Variants in SEPTIN6 observed in about 807,000 individuals in gnomAD.
SEPTIN6 encodes septin-6.
A neutral mutation model predicts 33.6 loss-of-function variants in SEPTIN6; 8 were observed. The ratio of observed to expected loss-of-function variants is 0.24; its 90% CI spans 0.14 to 0.43. The LOEUF (loss-of-function observed/expected upper bound fraction) is 0.43, where lower values mean the gene tolerates loss of function less well. Among genes scored for constraint, SEPTIN6 ranks in the 20% least tolerant of loss-of-function variants. The pLI is 1.00. For missense variants in SEPTIN6, 250 were observed against 340.8 expected (o/e 0.73, Z 2.10); for synonymous variants, 131 against 140.0 (o/e 0.94, Z 0.45).
intron 1 of SEPTIN6, among the ~76,000 whole-genome samples, chrX:119,692,490 C>G (rs1343463773): frequency 9.0e-6 from 1 of 111,559 alleles, no homozygotes; most frequent in Non-Finnish European, 1.9e-5. Flanking sequence ...CGGGAAGACA[C>G]GAGCGCGCGC....
intron 1 of SEPTIN6, among the ~76,000 whole-genome samples, chrX:119,682,213 G>A (rs2054972737): frequency 9.0e-6 from 1 of 111,490 alleles, no homozygotes. Flanking sequence ...TCAGGGGAGG[G>A]GGATGGAAAT....
chrX:119,645,080 G>T (rs1316659797), intron 5 of SEPTIN6, among the ~76,000 whole-genome samples: 1 of 104,637 alleles, frequency 9.6e-6, no homozygotes, highest in Non-Finnish European at 2.0e-5. Flanking sequence ...GCTAATGTTT[G>T]TATTTTTAGT....
intron 4 of SEPTIN6, among the ~76,000 whole-genome samples, chrX:119,652,030 T>G (rs2054359452): frequency 8.9e-6 from 1 of 112,013 alleles, no homozygotes; most frequent in Non-Finnish European, 1.9e-5. Flanking sequence ...TTCAAGCGAT[T>G]CTCCTGCTTG....
chrX:119,653,066 C>T (rs373817650), intron 3 of SEPTIN6, 26 bp from the exon 4 acceptor site: 61 of 1,154,553 alleles, frequency 5.3e-5, no homozygotes, highest in African/African-American at 9.0e-5. Context: ...GGGACAGAGG[C>T]GGATCCCGTC....
chrX:119,641,299 C>T (rs1427897279), intron 5 of SEPTIN6, among the ~76,000 whole-genome samples: 1 of 111,521 alleles, frequency 9.0e-6, no homozygotes, highest in African/African-American at 3.3e-5. Flanking sequence ...TCATCCTTCC[C>T]CGGAGAAAGA....
chrX:119,659,936 G>A (rs1177180036), intron 3 of SEPTIN6, among the ~76,000 whole-genome samples: 2 of 111,807 alleles, frequency 1.8e-5, no homozygotes, highest in African/African-American at 3.3e-5. Context: ...GCCATGGCGC[G>A]ATCTCAGCTC....
intron 1 of SEPTIN6, among the ~76,000 whole-genome samples, chrX:119,690,348 T>TACACACACACACACACAC (rs1196119691): frequency 2.7e-5 from 2 of 75,005 alleles, no homozygotes; most frequent in Non-Finnish European, 4.7e-5. Context: ...TACATACACA[T>TACACACACACACACACAC]ACACACACAC....
At chrX:119,622,461 G>A (rs1469265259) in intron 10 of SEPTIN6, among the ~76,000 whole-genome samples, 1 of 111,588 alleles carries the variant, frequency 9.0e-6, no homozygotes, top group Non-Finnish European at 1.9e-5. Context: ...AGATCCTGGG[G>A]AGCCAAAGCC....
At chrX:119,657,462 T>TC (rs1020438070) in intron 3 of SEPTIN6, among the ~76,000 whole-genome samples, 1 of 110,767 alleles carries the variant, frequency 9.0e-6, no homozygotes, top group African/African-American at 3.3e-5. Flanking sequence ...GACCTCCTTG[T>TC]CCCCCTCTAG....
intron 10 of SEPTIN6, among the ~76,000 whole-genome samples, chrX:119,622,580 A>G (rs1395334542): frequency 8.9e-6 from 1 of 112,042 alleles, no homozygotes; most frequent in Non-Finnish European, 1.9e-5. Flanking sequence ...CTGTTTACCA[A>G]TTGCCTCTCA....
chrX:119,650,288 C>A (rs1276754137), intron 4 of SEPTIN6, among the ~76,000 whole-genome samples, 190 bp from the exon 5 acceptor site: 1 of 112,167 alleles, frequency 8.9e-6, no homozygotes, highest in African/African-American at 3.2e-5. Context: ...GAACTAAGTG[C>A]TTTACATGAA....
chrX:119,636,614 G>A (rs185549446), intron 7 of SEPTIN6, among the ~76,000 whole-genome samples: 40 of 111,371 alleles, frequency 3.6e-4, no homozygotes, highest in African/African-American at 6.5e-4. Flanking sequence ...CTGTCTGAGC[G>A]CCAGGAGCCT....
Position 119,626,511 on chromosome X carries a change from G to A in SEPTIN6, c.1281-1132C>T, listed in dbSNP as rs2053858736. Among the ~76,000 whole-genome samples, 3 of 111,447 alleles carry A rather than the reference G, an allele frequency of 2.7e-5. No individual in the cohort carries two copies. In the South Asian group the frequency reaches 1.1e-3, roughly 41 times the overall value. On this transcript the variant is annotated intron_variant, in intron 9 of 10. Transcript: ENST00000394610. ...TTAAAAATAGGAATTCATTCCTGCTGGTGCAACTAATACACCATGACAGAT... is the reference window on the plus strand; with the variant it reads ...TTAAAAATAGGAATTCATTCCTGCTAGTGCAACTAATACACCATGACAGAT...
At chrX:119,620,969 C>A (rs1490273398) in intron 10 of SEPTIN6, among the ~76,000 whole-genome samples, 3 of 95,285 alleles carry the variant, frequency 3.1e-5, no homozygotes, top group Non-Finnish European at 6.3e-5. Flanking sequence ...CCACCACCCA[C>A]CCCCAGCACC....
chrX:119,692,532 C>A (rs750883371), intron 1 of SEPTIN6, among the ~76,000 whole-genome samples: 14 of 111,947 alleles, frequency 1.3e-4, no homozygotes, highest in African/African-American at 4.5e-4. Flanking sequence ...CCGATACACA[C>A]ACAGACGCAG....
rs2053719874 is a variant in SEPTIN6, at chrX:119,619,891, A to G, written c.*202T>C. 2.7e-6 allele frequency: 3 copies of G among 1,101,082 alleles called. No individual in the cohort carries two copies. Among genetic ancestry groups the G allele is most frequent in the Non-Finnish European group, 3.6e-6 (3 of 844,080 alleles). 90.7% of individuals were successfully genotyped at this position (1,101,082 alleles called of 1,213,427 possible). A position where few individuals can be genotyped will look rare whatever the true frequency, so the allele number is the denominator to read the frequency against. ...ACTGTTGGCTTCTTGACCAGCGGCC[A>G]GACATCACCCTCAGATTCTCAGGTT... On this transcript the variant is annotated 3_prime_UTR_variant, in exon 11 of 11. Transcript: ENST00000394610.
At chrX:119,639,962 C>A (rs999532031) in intron 6 of SEPTIN6, among the ~76,000 whole-genome samples, 1 of 65,818 alleles carries the variant, frequency 1.5e-5, no homozygotes, top group African/African-American at 5.4e-5. Context: ...TGCCACCATA[C>A]CTGACTAATT....
At chrX:119,631,118 A>G (rs2053951035) in intron 8 of SEPTIN6, among the ~76,000 whole-genome samples, 1 of 110,028 alleles carries the variant, frequency 9.1e-6, no homozygotes, top group Non-Finnish European at 1.9e-5. Flanking sequence ...GGTATTTGGC[A>G]CTGTCACTTA....
rs747738896 is a variant in SEPTIN6 at position 119,656,973 on chromosome X, C to T, written c.342-3933G>A. On this transcript the variant is annotated intron_variant, in intron 3 of 10. Transcript: ENST00000394610. The stretch of plus-strand genomic sequence containing the variant: ...GTGGCTCACACCCATAATCTCAGCA[C>T]TTTGGGAGGCCGAGGCAGGCGGATT... Among the ~76,000 whole-genome samples the T allele has an allele frequency of 1.0e-4, 11 of 110,240 alleles. No individual in the cohort carries two copies. The South Asian group carries it at 4.2e-3, about 42-fold the overall frequency.
Sources: gnomAD v4.1 joint callset for allele counts (sites outside exome capture counted in the v4.1 genomes callset) on GRCh38, gnomAD v4.1.1 for gene constraint, MANE v1.5 for transcripts, NCBI Gene and HGNC (gene_info 2026-07-23, HGNC 2026-07-21) for gene names.